COL4A2: variants seen among roughly 807,000 people sequenced by gnomAD.
COL4A2 encodes the protein collagen alpha-2(IV) chain.
COL4A2 carries 99 observed loss-of-function variants against 200.2 expected under a neutral mutation model. The ratio of observed to expected loss-of-function variants is 0.49; its 90% CI spans 0.42 to 0.58. The LOEUF (loss-of-function observed/expected upper bound fraction) is 0.58, where lower values mean the gene tolerates loss of function less well. COL4A2 is among the 20% of genes least tolerant of loss of function. COL4A2 has a pLI of 0.00. For synonymous variants in COL4A2, 897 were observed against 900.6 expected (o/e 1.00, Z 0.07); for missense variants, 1,950 against 2,314.1 (o/e 0.84, Z 3.23).
At chr13:110,323,880 T>C (rs959898244) in intron 3 of COL4A2, among the ~76,000 whole-genome samples, 5 of 152,182 alleles carry the variant, frequency 3.3e-5, no homozygotes, top group African/African-American at 1.2e-4. Context: ...GGACTTTTTG[T>C]TCAGAATCAC....
intron 24 of COL4A2, among the ~76,000 whole-genome samples, chr13:110,465,063 T>C (rs4773188): frequency 0.76 from 115,613 of 152,192 alleles, 44,334 homozygotes; most frequent in Middle Eastern, 0.89. Context: ...ATGTGTTTCT[T>C]TCTCCACCCA....
chr13:110,481,832 G>A (rs758859420), intron 31 of COL4A2, among the ~76,000 whole-genome samples: 68 of 27,398 alleles, frequency 2.5e-3, no homozygotes, highest in African/African-American at 8.0e-3. Context: ...CTGTCCCTCC[G>A]TTGCTGGAGA....
chr13:110,495,607 T>G, intron 40 of COL4A2, 140 bp downstream of exon 40: 1 of 1,102,386 alleles, frequency 9.1e-7, no homozygotes, highest in South Asian at 1.6e-5. Context: ...GAGGACTACC[T>G]GTTGCAGGAC....
chr13:110,369,264 GGT>G (rs2139399867), intron 4 of COL4A2, among the ~76,000 whole-genome samples: 1 of 152,154 alleles, frequency 6.6e-6, no homozygotes, highest in East Asian at 1.9e-4. Flanking sequence ...TGGCTATTCA[GGT>G]TGACCATTCC....
At chr13:110,394,572 G>A (rs1305820727) in intron 4 of COL4A2, among the ~76,000 whole-genome samples, 1 of 152,096 alleles carries the variant, frequency 6.6e-6, no homozygotes, top group Admixed American at 6.5e-5. Flanking sequence ...TTCCTAACTC[G>A]TGCAATTACA....
At chr13:110,334,038 G>T (rs1371201117) in intron 3 of COL4A2, among the ~76,000 whole-genome samples, 1 of 152,194 alleles carries the variant, frequency 6.6e-6, no homozygotes, top group Admixed American at 6.5e-5. Flanking sequence ...TGCTGAGTTC[G>T]GCTGGATGGC....
rs568879740 is a variant in COL4A2 at position 110,371,004 on chromosome 13, A to G, written c.180+13452A>G. ...ATGAACTCCTTAATTCCAGAAGATT[A>G]AAAAGACTTCTTTAGTAGAAGGAAA... On this transcript the variant is annotated intron_variant, in intron 4 of 47. Coordinates refer to ENST00000360467, the MANE Select transcript of COL4A2 (RefSeq NM_001846.4). 6.4e-4 allele frequency among the ~76,000 whole-genome samples: 98 copies of G among 152,396 alleles called. 1 individual carries two copies. In the Middle Eastern group the frequency reaches 0.01, roughly 16 times the overall value.
intron 47 of COL4A2, among the ~76,000 whole-genome samples, chr13:110,510,873 G>A (rs1018407689): frequency 3.3e-5 from 5 of 152,340 alleles, no homozygotes; most frequent in African/African-American, 9.6e-5. Flanking sequence ...CCTGGAGGAC[G>A]TCTCCACTTC....
chr13:110,441,327 G>A (rs547995289), intron 16 of COL4A2, among the ~76,000 whole-genome samples: 3 of 152,154 alleles, frequency 2.0e-5, no homozygotes, highest in East Asian at 3.9e-4. Flanking sequence ...TCCCAGACTC[G>A]CTTTCTGACC....
intron 4 of COL4A2, among the ~76,000 whole-genome samples, chr13:110,371,827 G>A (rs116787655): frequency 0.01 from 1,541 of 152,256 alleles, 28 homozygotes; most frequent in African/African-American, 0.036. Context: ...GACGTTGGCC[G>A]TGCCGGGAGC....
chr13:110,456,712 C>A (rs189304849), intron 20 of COL4A2: 83 of 469,740 alleles, frequency 1.8e-4, no homozygotes, highest in African/African-American at 1.6e-3. Flanking sequence ...GGACACCAGG[C>A]GTCTCTGTGG....
chr13:110,443,927 C>T lies in COL4A2; in HGVS notation c.958-1902C>T, dbSNP rs76448408. On this transcript the variant is annotated intron_variant, in intron 16 of 47. Coordinates refer to ENST00000360467, the MANE Select transcript of COL4A2 (RefSeq NM_001846.4). Reference sequence around the variant, plus strand: ...GATCGTCATTTTGACTTAGGGTTCCCGCCTATCTGGGTTTCACTGCCAGTG... The same window carrying T: ...GATCGTCATTTTGACTTAGGGTTCCTGCCTATCTGGGTTTCACTGCCAGTG... Among the ~76,000 whole-genome samples, 406 of 152,266 alleles carry T rather than the reference C, an allele frequency of 2.7e-3. 1 individual carries two copies. Among genetic ancestry groups the T allele is most frequent in the African/African-American group, 9.5e-3 (396 of 41,556 alleles).
In COL4A2 at chr13:110,492,197, G is replaced by C. The variant is rs375599870; in HGVS notation, c.3562+20G>C. ...TACCAGGTAAGGTCACGTAAAACAC[G>C]TGGTCACCCAGACCCAGAGTCGTGG... On this transcript the variant is annotated intron_variant, in intron 38 of 47. Transcript: ENST00000360467. 1 of 1,547,416 alleles carries C rather than the reference G, an allele frequency of 6.5e-7. No individual in the cohort carries two copies. Among genetic ancestry groups the C allele is most frequent in the Admixed American group, 2.0e-5 (1 of 50,988 alleles).
chr13:110,469,391 C>G, intron 28 of COL4A2, 67 bp downstream of exon 28: 1 of 1,453,856 alleles, frequency 6.9e-7, no homozygotes, highest in Non-Finnish European at 9.4e-7. Flanking sequence ...GATTCATAAG[C>G]ATCCAGCTCT....
At chr13:110,509,191 G>A (rs1299615539) in intron 47 of COL4A2, among the ~76,000 whole-genome samples, 1 of 145,594 alleles carries the variant, frequency 6.9e-6, no homozygotes, top group Non-Finnish European at 1.5e-5. Context: ...CATTATAACT[G>A]TCATAACTCC....
At chr13:110,511,541 G>A (rs567103529) in intron 47 of COL4A2, among the ~76,000 whole-genome samples, 2 of 152,332 alleles carry the variant, frequency 1.3e-5, no homozygotes, top group Non-Finnish European at 2.9e-5. Flanking sequence ...AGTAAACATT[G>A]TGTTATCTCT....
In COL4A2 at chr13:110,438,051, T is replaced by C. The variant is rs777163758; in HGVS notation, c.861+14T>C. 1.1e-5 allele frequency: 18 copies of C among 1,611,648 alleles called. No individual in the cohort carries two copies. The South Asian group carries it at 1.6e-4, about 15-fold the overall frequency. ...CCAGGAATAAGAGTAAGTCGAGTAA[T>C]GAGCATGCCCCCTCCCCTGTGGCTC... On this transcript the variant is annotated intron_variant, in intron 14 of 47. Transcript: ENST00000360467.
chr13:110,428,193 C>T (rs542654504), intron 6 of COL4A2, among the ~76,000 whole-genome samples: 1 of 152,292 alleles, frequency 6.6e-6, no homozygotes, highest in African/African-American at 2.4e-5. Flanking sequence ...AGTCACTCAA[C>T]TAGTAAGACA....
chr13:110,366,920 G>T (rs953683273), intron 4 of COL4A2, among the ~76,000 whole-genome samples: 1 of 152,218 alleles, frequency 6.6e-6, no homozygotes, highest in Non-Finnish European at 1.5e-5. Flanking sequence ...TGAGTTCATT[G>T]TGGTGTAGAC....
Sources: allele counts gnomAD v4.1 joint callset (sites outside exome capture counted in the v4.1 genomes callset), GRCh38; gene constraint gnomAD v4.1.1; transcripts MANE v1.5; gene names NCBI Gene and HGNC (gene_info 2026-07-23, HGNC 2026-07-21).